ARHGAP42: variants seen among roughly 807,000 people sequenced by gnomAD.
ARHGAP42 encodes rho GTPase-activating protein 42.
In ARHGAP42, 63 loss-of-function variants were observed where a neutral mutation model predicts 125.0. The ratio of observed to expected loss-of-function variants is 0.50; its 90% CI spans 0.41 to 0.62. The LOEUF is 0.62. Among genes scored for constraint, ARHGAP42 ranks in the 20% least tolerant of loss-of-function variants. The pLI, the probability that ARHGAP42 is intolerant of heterozygous loss-of-function variation, is 0.00. For synonymous variants in ARHGAP42, 339 were observed against 351.0 expected, an observed-to-expected ratio of 0.97 and a Z score of 0.38; for missense variants, 766 against 1,024.2, an observed-to-expected ratio of 0.75 and a Z score of 3.44.
intron 17 of ARHGAP42, among the ~76,000 whole-genome samples, chr11:100,970,310 C>A (rs1337012771): frequency 6.6e-6 from 1 of 152,036 alleles, no homozygotes; most frequent in Non-Finnish European, 1.5e-5. Flanking sequence ...CTTTAGTGAA[C>A]TATTTTAATG....
intron 1 of ARHGAP42, among the ~76,000 whole-genome samples, chr11:100,705,013 C>CAAAAAAAAAAAAAAAA (rs1211966921): frequency 3.7e-5 from 2 of 54,762 alleles, no homozygotes; most frequent in Non-Finnish European, 7.2e-5. Flanking sequence ...ACAACAACAA[C>CAAAAAAAAAAAAAAAA]AAAAAAAAAA....
At chr11:100,837,689 T>A (rs983060286) in intron 3 of ARHGAP42, among the ~76,000 whole-genome samples, 10 of 123,518 alleles carry the variant, frequency 8.1e-5, no homozygotes, top group Non-Finnish European at 1.4e-4. Context: ...TTTTTTTTTT[T>A]TTTTTTTTAG....
chr11:100,882,409 A>G (rs1170718976), intron 4 of ARHGAP42, among the ~76,000 whole-genome samples: 1 of 151,292 alleles, frequency 6.6e-6, no homozygotes, highest in Non-Finnish European at 1.5e-5. Flanking sequence ...TGACTTGTGA[A>G]TGTTAAACCA....
intron 1 of ARHGAP42, among the ~76,000 whole-genome samples, chr11:100,734,553 T>C (rs1329643287): frequency 6.6e-6 from 1 of 152,208 alleles, no homozygotes; most frequent in Admixed American, 6.5e-5. Context: ...AGTGCTGGGA[T>C]TACGGGCGTC....
intron 6 of ARHGAP42, among the ~76,000 whole-genome samples, chr11:100,927,619 G>C (rs1292965150): frequency 6.6e-6 from 1 of 152,092 alleles, no homozygotes; most frequent in African/African-American, 2.4e-5. Context: ...GGCTTTATCA[G>C]CTTGCTGGTG....
rs564018685 is a variant in ARHGAP42 at position 100,707,274 on chromosome 11, G to A, written c.154+19442G>A. On this transcript the variant is annotated intron_variant, in intron 1 of 23. Transcript: ENST00000298815. ...TCTCTTGGGTATATACCTAGGAGTG[G>A]AATTGCTGGGTCATATAGTAACTCT... Among the ~76,000 whole-genome samples the A allele has an allele frequency of 2.6e-5, 4 of 152,184 alleles. No homozygotes were observed. In the South Asian group the frequency reaches 8.3e-4, roughly 32 times the overall value.
chr11:100,783,585 C>T lies in ARHGAP42; in HGVS notation c.251-11520C>T, dbSNP rs142035126. Among the ~76,000 whole-genome samples the T allele has an allele frequency of 3.0e-3, 463 of 152,248 alleles. 1 individual carries two copies. Among genetic ancestry groups the T allele is most frequent in the African/African-American group, 0.01 (432 of 41,538 alleles). ...TCCCAGTGTCATGCCAGTACAGCCA[C>T]GAAAGCTGTAAGGGCCACTTGTTTG... On this transcript the variant is annotated intron_variant, in intron 2 of 23. Transcript: ENST00000298815.
intron 1 of ARHGAP42, among the ~76,000 whole-genome samples, chr11:100,701,688 C>T (rs1463603375): frequency 2.6e-5 from 4 of 152,202 alleles, no homozygotes; most frequent in South Asian, 2.1e-4. Context: ...AAAGTTAGGA[C>T]CTTGGTCTGG....
intron 3 of ARHGAP42, among the ~76,000 whole-genome samples, chr11:100,814,378 A>G (rs994019332): frequency 2.8e-5 from 4 of 144,848 alleles, no homozygotes; most frequent in Non-Finnish European, 6.1e-5. Flanking sequence ...AAAAAAAAAA[A>G]GAAAAGAAAA....
At chr11:100,908,673 G>A (rs1254884224) in intron 4 of ARHGAP42, among the ~76,000 whole-genome samples, 1 of 152,114 alleles carries the variant, frequency 6.6e-6, no homozygotes, top group African/African-American at 2.4e-5. Context: ...GATTCCATGA[G>A]TTTGCTATTG....
chr11:100,775,201 C>G (rs187265571), intron 2 of ARHGAP42, among the ~76,000 whole-genome samples: 1 of 152,120 alleles, frequency 6.6e-6, no homozygotes. Context: ...CACAGCTGCA[C>G]TAACTGCCCA....
At chr11:100,733,155 T>C (rs1057395958) in intron 1 of ARHGAP42, among the ~76,000 whole-genome samples, 2 of 152,230 alleles carry the variant, frequency 1.3e-5, no homozygotes, top group Non-Finnish European at 2.9e-5. Context: ...GATTCAAATC[T>C]AGGTGCAGAT....
chr11:100,740,893 T>C (rs976241079), intron 1 of ARHGAP42, among the ~76,000 whole-genome samples: 4 of 152,220 alleles, frequency 2.6e-5, no homozygotes, highest in Admixed American at 6.5e-5. Flanking sequence ...GGTTATACTT[T>C]AATTAGTTAT....
chr11:100,915,530 T>G (rs1214488640), intron 5 of ARHGAP42, among the ~76,000 whole-genome samples: 1 of 152,290 alleles, frequency 6.6e-6, no homozygotes, highest in East Asian at 1.9e-4. Context: ...TTAAACCACC[T>G]TAAGGAAATG....
intron 21 of ARHGAP42, among the ~76,000 whole-genome samples, chr11:100,978,405 A>T (rs181424381): frequency 2.0e-5 from 3 of 152,114 alleles, no homozygotes; most frequent in Non-Finnish European, 2.9e-5. Flanking sequence ...GTCATACCTG[A>T]TAGTCTTACC....
chr11:100,855,343 C>T (rs572104820), intron 3 of ARHGAP42, among the ~76,000 whole-genome samples: 1 of 151,918 alleles, frequency 6.6e-6, no homozygotes, highest in South Asian at 2.1e-4. Context: ...GTGACTGGCA[C>T]CAACATCACT....
Position 100,965,655 on chromosome 11 carries a change from C to G in ARHGAP42, c.1445-16C>G. The G allele has an allele frequency of 6.5e-7, 1 of 1,545,650 alleles. No homozygotes were observed. The highest frequency in any genetic ancestry group is 8.7e-7 in the Non-Finnish European group (1 of 1,143,202). On this transcript the variant is annotated splice_polypyrimidine_tract_variant and intron_variant, in intron 16 of 23. Transcript: ENST00000298815. ...GAATTAAAACTTGAGCATTTGCAAT[C>G]TTTTTTATGTAACAGAATCTGATGA...
At chr11:100,841,230 A>G (rs954760384) in intron 3 of ARHGAP42, among the ~76,000 whole-genome samples, 2 of 152,200 alleles carry the variant, frequency 1.3e-5, no homozygotes, top group South Asian at 2.1e-4. Flanking sequence ...AGCTCTTGTC[A>G]GTGTAGAATC....
chr11:100,722,681 G>A (rs112095402), intron 1 of ARHGAP42, among the ~76,000 whole-genome samples: 4,051 of 152,226 alleles, frequency 0.027, 69 homozygotes, highest in Non-Finnish European at 0.031. Context: ...AAGCCACCGC[G>A]CAAATTTTAT....
Sources: allele counts gnomAD v4.1 joint callset (sites outside exome capture counted in the v4.1 genomes callset), GRCh38; gene constraint gnomAD v4.1.1; transcripts MANE v1.5; gene names NCBI Gene and HGNC (gene_info 2026-07-23, HGNC 2026-07-21).